FAM167A: variants seen among roughly 807,000 people sequenced by gnomAD.
FAM167A encodes the protein family with sequence similarity 167 member A.
FAM167A carries 23 observed loss-of-function variants against 14.9 expected under a neutral mutation model. That is an observed-to-expected ratio of 1.55 (90% CI 1.11 to 2.19). FAM167A has a LOEUF of 2.19. Among genes scored for constraint, FAM167A ranks in the 30% most tolerant of loss-of-function variants. The pLI is 0.00. For synonymous variants in FAM167A, 174 were observed against 117.7 expected, an observed-to-expected ratio of 1.48 and a Z score of -3.10; for missense variants, 401 against 281.5, an observed-to-expected ratio of 1.42 and a Z score of -3.04.
rs548447696 is a variant in FAM167A at position 11,443,895 on chromosome 8, A to G, written c.381+136T>C. The G allele has an allele frequency of 7.6e-5, 82 of 1,083,922 alleles. No individual in the cohort carries two copies. The African/African-American group carries it at 1.2e-3, about 16-fold the overall frequency. The allele number at this position is 1,083,922 out of a possible 1,614,324, so 67.1% of individuals were successfully genotyped here. The stretch of plus-strand genomic sequence containing the variant: ...CCTTCAACTCACGGGAAGATTACAG[A>G]TGTGCACTTGGGGGTTAGAGAGAGG... On this transcript the variant is annotated intron_variant, in intron 2 of 2. Coordinates refer to ENST00000284486, the MANE Select transcript of FAM167A (RefSeq NM_053279.3).
chr8:11,473,802 A>G (rs1797786373), intron 1 of FAM167A, among the ~76,000 whole-genome samples: 1 of 152,186 alleles, frequency 6.6e-6, no homozygotes. Flanking sequence ...AATGCCTGAC[A>G]GTCTTAGACA....
chr8:11,445,483 C>T (rs1217570451), intron 1 of FAM167A: 1 of 985,666 alleles, frequency 1.0e-6, no homozygotes, highest in African/African-American at 1.7e-5. Flanking sequence ...GCGGTGGCAC[C>T]TGGGCTGGAT....
chr8:11,461,883 G>A (rs1255140771), intron 1 of FAM167A, among the ~76,000 whole-genome samples: 2 of 152,228 alleles, frequency 1.3e-5, no homozygotes, highest in African/African-American at 4.8e-5. Flanking sequence ...CTGTGCTTAT[G>A]CCAACTGGGC....
At chr8:11,475,061 C>T (rs1373747408) in intron 1 of FAM167A, among the ~76,000 whole-genome samples, 2 of 152,190 alleles carry the variant, frequency 1.3e-5, no homozygotes, top group Non-Finnish European at 2.9e-5. Context: ...GAGCAGGACT[C>T]TTCCCCTCTT....
chr8:11,434,753 G>A (rs1318038059), intron 2 of FAM167A: 3 of 273,390 alleles, frequency 1.1e-5, no homozygotes, highest in Non-Finnish European at 2.2e-5. Flanking sequence ...AGCCTCTGAT[G>A]ACATGATGAC....
intron 1 of FAM167A, among the ~76,000 whole-genome samples, chr8:11,451,236 C>G (rs1343229022): frequency 6.6e-6 from 1 of 152,222 alleles, no homozygotes. Context: ...GGGAAAGGGT[C>G]TAACTGGAGA....
rs572669897 is a variant in FAM167A at position 11,459,484 on chromosome 8, C to A, written c.-398+7142G>T. Among the ~76,000 whole-genome samples the A allele has an allele frequency of 2.0e-4, 31 of 152,296 alleles. 1 individual carries two copies. The South Asian group carries it at 2.9e-3, about 14-fold the overall frequency. On this transcript the variant is annotated intron_variant, in intron 1 of 2. Coordinates refer to ENST00000284486, the MANE Select transcript of FAM167A (RefSeq NM_053279.3). Reference sequence around the variant, plus strand: ...TGTTTTTCTGTAAAATTGTTCTGGGCAGAAGAGGAAGAAGAGACCGAGCGC... The same window carrying A: ...TGTTTTTCTGTAAAATTGTTCTGGGAAGAAGAGGAAGAAGAGACCGAGCGC...
rs368405922 is a variant in FAM167A, at chr8:11,424,492, C to T, written c.526G>A (p.Glu176Lys). The change falls in exon 3 of 3, where the codon GAG becomes AAG. Residue 176 changes from glutamate (E) to lysine (K), a missense_variant. Glu to Lys is a moderately conservative substitution (Grantham distance 56). Coordinates refer to ENST00000284486, the MANE Select transcript of FAM167A (RefSeq NM_053279.3). The part of the protein sequence containing the change: ...DATYELEERD[E>K]LADLFCDSPL... Reference sequence around the variant, plus strand: ...GAGTCACAGAAGAGGTCGGCCAGCTCATCCCGCTCCTCCAGCTCGTAGGTG... The same window carrying T: ...GAGTCACAGAAGAGGTCGGCCAGCTTATCCCGCTCCTCCAGCTCGTAGGTG... 6 of 1,614,026 alleles carry T rather than the reference C, an allele frequency of 3.7e-6. No homozygotes were observed. In the African/African-American group the frequency reaches 6.7e-5, roughly 18 times the overall value.
chr8:11,448,853 G>A (rs1427358415), intron 1 of FAM167A, among the ~76,000 whole-genome samples: 1 of 152,246 alleles, frequency 6.6e-6, no homozygotes, highest in Non-Finnish European at 1.5e-5. Flanking sequence ...GACAAGCCGA[G>A]CACCCAGGCT....
chr8:11,429,297 T>C (rs1805408200), intron 2 of FAM167A, among the ~76,000 whole-genome samples: 2 of 152,328 alleles, frequency 1.3e-5, no homozygotes, highest in South Asian at 4.1e-4. Flanking sequence ...AATTAATCTT[T>C]TTAGAGATTT....
At chr8:11,466,937 C>G (rs1438864998), upstream of FAM167A, among the ~76,000 whole-genome samples, 1 of 152,206 alleles carries the variant, frequency 6.6e-6, no homozygotes, top group Non-Finnish European at 1.5e-5. Context: ...GGGCAGCCCC[C>G]GCGAGTGGAG....
chr8:11,428,493 A>G (rs549143631), intron 2 of FAM167A, among the ~76,000 whole-genome samples: 9 of 152,350 alleles, frequency 5.9e-5, no homozygotes, highest in Non-Finnish European at 1.3e-4. Context: ...CAGCTTCAAC[A>G]GGGATGGTGA....
chr8:11,466,122 G>A (rs1288603384), intron 1 of FAM167A, among the ~76,000 whole-genome samples: 1 of 152,078 alleles, frequency 6.6e-6, no homozygotes, highest in East Asian at 1.9e-4. Flanking sequence ...CGTTCCCTCA[G>A]GTCACACTGG....
intron 2 of FAM167A, among the ~76,000 whole-genome samples, chr8:11,430,515 C>A (rs887945199): frequency 6.6e-6 from 1 of 152,178 alleles, no homozygotes; most frequent in Non-Finnish European, 1.5e-5. Context: ...CTAAAAACCA[C>A]TGAATTGCTA....
At chr8:11,473,759 G>T (rs553142310) in intron 1 of FAM167A, among the ~76,000 whole-genome samples, 3 of 152,274 alleles carry the variant, frequency 2.0e-5, no homozygotes, top group Admixed American at 2.0e-4. Flanking sequence ...CTACCATGAA[G>T]TTCACTGTGA....
chr8:11,440,271 C>A (rs1209365277), intron 2 of FAM167A, among the ~76,000 whole-genome samples: 1 of 152,246 alleles, frequency 6.6e-6, no homozygotes, highest in Non-Finnish European at 1.5e-5. Context: ...CAAGGTCAGG[C>A]CGTCTTAGCT....
intron 2 of FAM167A, 28 bp from the exon 3 acceptor site, chr8:11,424,664 C>A: frequency 1.2e-6 from 2 of 1,610,504 alleles, no homozygotes; most frequent in South Asian, 1.1e-5. Flanking sequence ...CAGGCAGGGT[C>A]AGCAGAGAGT....
At chr8:11,443,227 G>T (rs1432479847) in intron 2 of FAM167A, among the ~76,000 whole-genome samples, 1 of 152,202 alleles carries the variant, frequency 6.6e-6, no homozygotes, top group Non-Finnish European at 1.5e-5. Context: ...CTCCCCTGGG[G>T]GGGTGGAAGG....
chr8:11,448,918 T>C (rs552415975), intron 1 of FAM167A, among the ~76,000 whole-genome samples: 236 of 152,366 alleles, frequency 1.5e-3, no homozygotes, highest in African/African-American at 5.3e-3. Context: ...TGAGGATCTA[T>C]GGAACCTGGT....
Sources: allele counts gnomAD v4.1 joint callset (sites outside exome capture counted in the v4.1 genomes callset), GRCh38; gene constraint gnomAD v4.1.1; transcripts MANE v1.5; gene names NCBI Gene and HGNC (gene_info 2026-07-23, HGNC 2026-07-21).